Variants in ARHGEF4 observed in about 807,000 individuals in gnomAD.
The protein encoded by ARHGEF4 is Rho guanine nucleotide exchange factor 4, also known as APC-stimulated guanine nucleotide exchange factor 1.
Under a neutral mutation model 162.0 loss-of-function variants are expected in ARHGEF4, and 119 were observed. The observed-to-expected ratio is 0.73, with a 90% CI of 0.63 to 0.86. ARHGEF4 has a LOEUF of 0.86. Ranked by LOEUF, ARHGEF4 falls within the 40% of genes least tolerant of loss-of-function variation. The pLI, the probability that ARHGEF4 is intolerant of heterozygous loss-of-function variation, is 0.00. For missense variants in ARHGEF4, 2,488 were observed against 2,456.0 expected (o/e 1.01, Z -0.28); for synonymous variants, 1,014 against 979.9 (o/e 1.03, Z -0.65).
At position 130,950,693 on chromosome 2, in the gene ARHGEF4, A is replaced by G. The variant is rs4999017; in HGVS notation, c.3985+4058A>G. On this transcript the variant is annotated intron_variant, in intron 4 of 13. Transcript: ENST00000409359. ...TCTGTACCTTTAGCTATTACCCCCC[A>G]CCACCACCCGAAGGAACCACTTATC... Among the ~76,000 whole-genome samples, 466 of 141,122 alleles carry G rather than the reference A, an allele frequency of 3.3e-3. 6 individuals carry two copies. Among genetic ancestry groups the G allele is most frequent in the South Asian group, 4.9e-3 (19 of 3,908 alleles). The allele number at this position is 141,122 out of a possible 152,430, so 92.6% of individuals were successfully genotyped here.
At chr2:131,041,483 G>T in intron 9 of ARHGEF4, 21 bp downstream of exon 9, 1 of 1,602,750 alleles carries the variant, frequency 6.2e-7, no homozygotes, top group Non-Finnish European at 8.5e-7. Context: ...ACTGAGGCAG[G>T]GAGGCAGCCC....
At chr2:130,934,810 C>T (rs1276381731) in intron 3 of ARHGEF4, among the ~76,000 whole-genome samples, 1 of 152,168 alleles carries the variant, frequency 6.6e-6, no homozygotes, top group African/African-American at 2.4e-5. Context: ...TCCCAAAGTG[C>T]TGGGATAACA....
At chr2:130,877,611 C>T (rs1678939452) in intron 1 of ARHGEF4, among the ~76,000 whole-genome samples, 1 of 152,122 alleles carries the variant, frequency 6.6e-6, no homozygotes, top group Non-Finnish European at 1.5e-5. Flanking sequence ...GATGGCACCA[C>T]TGCAATGCAG....
intron 1 of ARHGEF4, among the ~76,000 whole-genome samples, chr2:130,894,011 T>C (rs1364924135): frequency 6.6e-6 from 1 of 152,192 alleles, no homozygotes; most frequent in African/African-American, 2.4e-5. Context: ...CTGAAGGAGA[T>C]GGGCCAGCCG....
Position 130,913,965 on chromosome 2 carries a change from CCT to C in ARHGEF4, c.40-16_40-15del, listed in dbSNP as rs747857746. 2.0e-6 allele frequency: 3 copies of C among 1,535,920 alleles called. No homozygotes were observed. The highest frequency in any genetic ancestry group is 2.4e-5 in the South Asian group (2 of 84,016). ...ATGTACTCAGGCCTTGTCTCTGACT[CCT>C]CTCTTCTTGCCCTCCCAGACTCCAG... is the stretch of plus-strand genomic sequence containing the variant. On this transcript the variant is annotated intron_variant, in intron 1 of 13. Coordinates refer to ENST00000409359, the MANE Select transcript of ARHGEF4 (RefSeq NM_001367493.1).
chr2:130,871,503 T>C (rs1678484854), intron 1 of ARHGEF4, among the ~76,000 whole-genome samples: 1 of 151,526 alleles, frequency 6.6e-6, no homozygotes, highest in African/African-American at 2.4e-5. Context: ...GTCATTGTAC[T>C]CCAGCCTGGG....
At chr2:130,987,185 C>T (rs1264674862) in intron 4 of ARHGEF4, among the ~76,000 whole-genome samples, 1 of 152,164 alleles carries the variant, frequency 6.6e-6, no homozygotes, top group Non-Finnish European at 1.5e-5. Flanking sequence ...CTGGGCAGGT[C>T]GTGGGGAGCT....
At chr2:130,953,318 A>G (rs1361546036) in intron 4 of ARHGEF4, among the ~76,000 whole-genome samples, 3 of 152,204 alleles carry the variant, frequency 2.0e-5, no homozygotes, top group East Asian at 1.9e-4. Flanking sequence ...AGGATTCCCT[A>G]TTTAATAAAT....
At chr2:130,920,220 T>A (rs1681790803) in intron 2 of ARHGEF4, among the ~76,000 whole-genome samples, 1 of 152,196 alleles carries the variant, frequency 6.6e-6, no homozygotes, top group Non-Finnish European at 1.5e-5. Context: ...GCAATCCTCT[T>A]GCCTCAGCCT....
At chr2:131,028,108 G>A in intron 5 of ARHGEF4, 24 bp downstream of exon 5, 2 of 1,612,478 alleles carry the variant, frequency 1.2e-6, no homozygotes, top group Non-Finnish European at 8.5e-7. Flanking sequence ...TGCACGGGCA[G>A]AGGGAGGGAC....
At chr2:131,044,902 C>A (rs1339255395) in intron 12 of ARHGEF4, among the ~76,000 whole-genome samples, 1 of 152,200 alleles carries the variant, frequency 6.6e-6, no homozygotes, top group Non-Finnish European at 1.5e-5. Flanking sequence ...CCTTTCCAGC[C>A]AGCAAAAGCC....
chr2:131,045,760 A>T, intron 13 of ARHGEF4: 1 of 1,426,700 alleles, frequency 7.0e-7, no homozygotes. Context: ...TGCTTTCCCC[A>T]TTTCTACAGA....
In ARHGEF4 at chr2:130,889,275, T is replaced by A. The variant is rs373697912; in HGVS notation, c.40-24711T>A. On this transcript the variant is annotated intron_variant, in intron 1 of 13. Transcript: ENST00000409359. ...GAACATTTTAACCTCAGACTTTTAC[T>A]GACTTCTGCAGTACTCTTGTCTTGT... 6.6e-5 allele frequency among the ~76,000 whole-genome samples: 10 copies of A among 152,244 alleles called. No individual in the cohort carries two copies. In the East Asian group the frequency reaches 1.9e-3, roughly 29 times the overall value.
chr2:130,849,162 C>G (rs1681211482), intron 1 of ARHGEF4, among the ~76,000 whole-genome samples: 4 of 152,204 alleles, frequency 2.6e-5, no homozygotes, highest in Admixed American at 2.6e-4. Context: ...CTCAGTGTCC[C>G]AACTTTAGTT....
intron 4 of ARHGEF4, chr2:131,011,879 G>A (rs761010289): frequency 5.5e-5 from 39 of 704,364 alleles, no homozygotes; most frequent in South Asian, 7.4e-5. Flanking sequence ...TGGGGGCGGC[G>A]GAGGGGCAGA....
At position 130,916,462 on chromosome 2, in the gene ARHGEF4, C is replaced by T. The variant is rs1189150810; in HGVS notation, c.2516C>T (p.Ala839Val). 2 of 1,542,906 alleles carry T rather than the reference C, an allele frequency of 1.3e-6. No individual in the cohort carries two copies. The highest frequency in any genetic ancestry group is 1.7e-6 in the Non-Finnish European group (2 of 1,145,772). The change falls in exon 2 of 14, where the codon GCT becomes GTT. Residue 839 changes from alanine (A) to valine (V), a missense_variant. Physicochemically the swap from Ala to Val is moderately conservative, Grantham distance 64. This residue lies in a region of ARHGEF4 where 1,642 missense variants were observed against 1,481.5 expected (regional missense o/e 1.11). Transcript: ENST00000409359. ...GGGCTCCCCAGGGAGAATCCGCCCG[C>T]TGCGGCCGGTCGGGACGCACCGCCT... ...PEGLPRENPP[A>V]AAGRDAPPLH...
At chr2:130,864,444 G>C (rs1239459135) in intron 1 of ARHGEF4, among the ~76,000 whole-genome samples, 2 of 152,116 alleles carry the variant, frequency 1.3e-5, no homozygotes, top group Non-Finnish European at 2.9e-5. Context: ...TGGCGTTTTG[G>C]CCAGGCACGC....
intron 1 of ARHGEF4, among the ~76,000 whole-genome samples, chr2:130,867,577 C>A (rs1682376285): frequency 6.6e-6 from 1 of 152,070 alleles, no homozygotes; most frequent in South Asian, 2.1e-4. Flanking sequence ...AAAATATTTT[C>A]TAATTTCAGT....
At chr2:130,917,973 C>A (rs912607630) in intron 2 of ARHGEF4, among the ~76,000 whole-genome samples, 9 of 152,052 alleles carry the variant, frequency 5.9e-5, no homozygotes, top group African/African-American at 2.2e-4. Context: ...AGGCACCCGC[C>A]ACCACGCCTG....
Sources: allele counts gnomAD v4.1 joint callset (sites outside exome capture counted in the v4.1 genomes callset), GRCh38; gene constraint gnomAD v4.1.1; regional missense constraint gnomAD v4.1.1; transcripts MANE v1.5; gene names NCBI Gene and HGNC (gene_info 2026-07-23, HGNC 2026-07-21).